Variants in PXDNL observed in about 807,000 individuals in gnomAD.
PXDNL encodes probable oxidoreductase PXDNL.
PXDNL carries 145 observed loss-of-function variants against 150.8 expected under a neutral mutation model. That is an observed-to-expected ratio of 0.96 (90% CI 0.84 to 1.10). PXDNL has a LOEUF of 1.10. Among genes scored for constraint, PXDNL ranks in the 50% least tolerant of loss-of-function variants. The probability of loss-of-function intolerance (pLI) is 0.00; values close to 1 mark genes in which losing one functional copy is unlikely to be tolerated. For synonymous variants in PXDNL, 757 were observed against 725.7 expected, an observed-to-expected ratio of 1.04 and a Z score of -0.69; for missense variants, 2,087 against 1,873.9, an observed-to-expected ratio of 1.11 and a Z score of -2.10.
At chr8:51,479,672 G>A (rs931401470) in intron 6 of PXDNL, among the ~76,000 whole-genome samples, 4 of 152,124 alleles carry the variant, frequency 2.6e-5, no homozygotes, top group South Asian at 2.1e-4. Context: ...GCATGCACAC[G>A]GACGTAGGGA....
At chr8:51,424,183 C>G (rs1809029012) in intron 13 of PXDNL, among the ~76,000 whole-genome samples, 1 of 151,898 alleles carries the variant, frequency 6.6e-6, no homozygotes, top group Non-Finnish European at 1.5e-5. Flanking sequence ...GGTGACATAG[C>G]AAGACCCCAT....
chr8:51,386,937 T>G (rs535909542), intron 17 of PXDNL, among the ~76,000 whole-genome samples: 1 of 152,374 alleles, frequency 6.6e-6, no homozygotes, highest in African/African-American at 2.4e-5. Context: ...TTCATTTATG[T>G]CCTCAAAACT....
chr8:51,423,460 G>T, intron 14 of PXDNL, 115 bp downstream of exon 14: 4 of 705,194 alleles, frequency 5.7e-6, no homozygotes, highest in South Asian at 5.1e-5. Flanking sequence ...AAACACACTT[G>T]ACCAGAAAGA....
intron 2 of PXDNL, among the ~76,000 whole-genome samples, chr8:51,600,574 A>G (rs1329798562): frequency 8.1e-5 from 11 of 136,062 alleles, no homozygotes; most frequent in African/African-American, 2.7e-4. Flanking sequence ...TCGTTTAGAT[A>G]ATAAATTATA....
intron 4 of PXDNL, among the ~76,000 whole-genome samples, chr8:51,544,476 T>C (rs1406756730): frequency 6.6e-6 from 1 of 152,244 alleles, no homozygotes; most frequent in Non-Finnish European, 1.5e-5. Flanking sequence ...ATGCTTAAAG[T>C]AACATTTTTG....
At chr8:51,710,949 A>G (rs1051334337) in intron 1 of PXDNL, among the ~76,000 whole-genome samples, 2 of 152,198 alleles carry the variant, frequency 1.3e-5, no homozygotes, top group Non-Finnish European at 2.9e-5. Context: ...CTCCTCTAAC[A>G]TCAAGAACAA....
intron 1 of PXDNL, among the ~76,000 whole-genome samples, chr8:51,657,203 G>T: frequency 6.6e-6 from 1 of 152,016 alleles, no homozygotes; most frequent in African/African-American, 2.4e-5. Context: ...ACTCACTAAT[G>T]TACATTACAT....
At chr8:51,461,476 A>G (rs945754090) in intron 8 of PXDNL, among the ~76,000 whole-genome samples, 1 of 152,210 alleles carries the variant, frequency 6.6e-6, no homozygotes, top group African/African-American at 2.4e-5. Flanking sequence ...TAGTCAAAGG[A>G]GCACAGGCTG....
intron 4 of PXDNL, among the ~76,000 whole-genome samples, chr8:51,534,929 C>T (rs1259706690): frequency 2.0e-5 from 2 of 101,176 alleles, no homozygotes; most frequent in Non-Finnish European, 3.6e-5. Context: ...AAGTGAGGAC[C>T]CCTCTGCCCG....
chr8:51,640,265 C>T (rs1250701275), intron 2 of PXDNL, among the ~76,000 whole-genome samples: 1 of 152,166 alleles, frequency 6.6e-6, no homozygotes, highest in African/African-American at 2.4e-5. Flanking sequence ...TGGGCAAAAA[C>T]TGGAAGCATT....
intron 8 of PXDNL, among the ~76,000 whole-genome samples, chr8:51,458,214 G>A (rs955223875): frequency 3.3e-5 from 5 of 152,128 alleles, no homozygotes; most frequent in African/African-American, 1.2e-4. Flanking sequence ...CCTTCTCTGA[G>A]GTGCACCATT....
chr8:51,438,315 T>C (rs1211308798), intron 12 of PXDNL, among the ~76,000 whole-genome samples: 1 of 149,504 alleles, frequency 6.7e-6, no homozygotes, highest in Non-Finnish European at 1.5e-5. Flanking sequence ...AAAAAGCAAT[T>C]CTAAAATTCA....
intron 17 of PXDNL, 55 bp from the exon 18 acceptor site, chr8:51,374,786 A>T (rs1051318708): frequency 6.3e-7 from 1 of 1,578,178 alleles, no homozygotes; most frequent in Admixed American, 1.8e-5. Flanking sequence ...GGAATTGAAA[A>T]TATTCCTTAT....
chr8:51,592,778 G>A, intron 2 of PXDNL, 80 bp from the exon 3 acceptor site: 5 of 1,006,064 alleles, frequency 5.0e-6, no homozygotes, highest in Non-Finnish European at 7.1e-6. Flanking sequence ...GCTAAGTATA[G>A]TGCTTTACAC....
chr8:51,443,731 A>AATC (rs1441885874), intron 12 of PXDNL, among the ~76,000 whole-genome samples: 1 of 152,214 alleles, frequency 6.6e-6, no homozygotes, highest in East Asian at 1.9e-4. Context: ...TTTCAAATTC[A>AATC]ATCTCTTACA....
At chr8:51,600,850 T>C (rs963766822) in intron 2 of PXDNL, among the ~76,000 whole-genome samples, 1 of 138,520 alleles carries the variant, frequency 7.2e-6, no homozygotes, top group Non-Finnish European at 1.5e-5. Flanking sequence ...ACATCTTATA[T>C]AAATTATATA....
At chr8:51,696,842 T>C (rs1816154317) in intron 1 of PXDNL, among the ~76,000 whole-genome samples, 3 of 300 alleles carry the variant, frequency 0.01, no homozygotes, top group Non-Finnish European at 0.02. Context: ...CACACACAGG[T>C]CCTGACACAC....
chr8:51,802,719 C>A (rs1300859038), intron 1 of PXDNL, among the ~76,000 whole-genome samples: 1 of 152,180 alleles, frequency 6.6e-6, no homozygotes, highest in Non-Finnish European at 1.5e-5. Context: ...TTTGGTCAGA[C>A]ATGGCCAATT....
chr8:51,713,430 G>A (rs1226219526), intron 1 of PXDNL, among the ~76,000 whole-genome samples: 1 of 152,220 alleles, frequency 6.6e-6, no homozygotes, highest in Admixed American at 6.5e-5. Context: ...GGACACTTGA[G>A]AATGAAATGA....
Sources: gnomAD v4.1 joint callset for allele counts (sites outside exome capture counted in the v4.1 genomes callset) on GRCh38, gnomAD v4.1.1 for gene constraint, MANE v1.5 for transcripts, NCBI Gene and HGNC (gene_info 2026-07-23, HGNC 2026-07-21) for gene names.